Variants in PHF21B observed in about 807,000 individuals in gnomAD.
PHF21B encodes PHD finger protein 21B.
Under a neutral mutation model 62.2 loss-of-function variants are expected in PHF21B, and 22 were observed. That is an observed-to-expected ratio of 0.35 (90% CI 0.25 to 0.51). The LOEUF is 0.51. PHF21B is among the 20% of genes least tolerant of loss of function. The pLI is 0.97. For synonymous variants in PHF21B, 341 were observed against 314.7 expected (o/e 1.08, Z -0.88); for missense variants, 701 against 707.9 (o/e 0.99, Z 0.11).
chr22:44,936,872 T>TTTC (rs1555944873), intron 2 of PHF21B, among the ~76,000 whole-genome samples: 1 of 146,482 alleles, frequency 6.8e-6, no homozygotes, highest in African/African-American at 2.6e-5. Context: ...CTTTCTTTCT[T>TTTC]TTTTTTTTTT....
At chr22:44,995,541 GTCTGGGGCTCAC>G (rs1218818604) in intron 2 of PHF21B, among the ~76,000 whole-genome samples, 1 of 152,180 alleles carries the variant, frequency 6.6e-6, no homozygotes, top group African/African-American at 2.4e-5. Context: ...CCTCCCAGGA[GTCTGGGGCTCAC>G]TCTGGGACCA....
chr22:45,003,363 C>T (rs2073254760), intron 2 of PHF21B: 2 of 152,160 alleles, frequency 1.3e-5, no homozygotes, highest in Non-Finnish European at 2.9e-5. Flanking sequence ...GCCGCAGAGG[C>T]AGAAAAGCAC....
chr22:44,967,982 A>G (rs1436400328), intron 2 of PHF21B, among the ~76,000 whole-genome samples: 1 of 152,130 alleles, frequency 6.6e-6, no homozygotes, highest in African/African-American at 2.4e-5. Flanking sequence ...GGTGTCTGGT[A>G]CCATTTCCAT....
intron 2 of PHF21B, among the ~76,000 whole-genome samples, chr22:45,006,611 A>G (rs1158767472): frequency 6.6e-6 from 1 of 152,216 alleles, no homozygotes; most frequent in African/African-American, 2.4e-5. Context: ...AATAGTTGCT[A>G]CAATACAGAA....
At position 44,896,026 on chromosome 22, in the gene PHF21B, C is replaced by T. The variant is rs752133766; in HGVS notation, c.883+6G>A. The T allele has an allele frequency of 6.2e-7, 1 of 1,614,178 alleles. No individual in the cohort carries two copies. Among genetic ancestry groups the T allele is most frequent in the East Asian group, 2.2e-5 (1 of 44,892 alleles). ...CCAACCTGCTGCTACCTGGATCCTT[C>T]CTTACCTTCCAAATGTTCCGTGGTA... On this transcript the variant is annotated splice_donor_region_variant and intron_variant, in intron 6 of 12. Coordinates refer to ENST00000313237, the MANE Select transcript of PHF21B (RefSeq NM_138415.5).
intron 2 of PHF21B, among the ~76,000 whole-genome samples, chr22:44,945,603 G>C (rs112860296): frequency 6.6e-6 from 1 of 152,094 alleles, no homozygotes; most frequent in Non-Finnish European, 1.5e-5. Context: ...GGGCTGCAGG[G>C]CAATGAGTGC....
chr22:44,929,881 G>A (rs1049928604), intron 2 of PHF21B, among the ~76,000 whole-genome samples: 1 of 152,206 alleles, frequency 6.6e-6, no homozygotes, highest in East Asian at 1.9e-4. Context: ...GGGAGGGGAG[G>A]CGACAGGTCG....
intron 2 of PHF21B, among the ~76,000 whole-genome samples, chr22:45,007,587 A>AGGGT (rs1294709463): frequency 4.7e-5 from 1 of 21,448 alleles, no homozygotes; most frequent in African/African-American, 2.0e-4. Context: ...GGGGCAGCGG[A>AGGGT]GGGAGGGAGG....
At chr22:44,985,382 A>G (rs949981421) in intron 2 of PHF21B, among the ~76,000 whole-genome samples, 2 of 152,208 alleles carry the variant, frequency 1.3e-5, no homozygotes, top group African/African-American at 4.8e-5. Context: ...TGCAAGCTCT[A>G]GCTCATGATA....
At chr22:44,921,472 T>G (rs1433993746) in intron 2 of PHF21B, among the ~76,000 whole-genome samples, 4 of 151,948 alleles carry the variant, frequency 2.6e-5, no homozygotes, top group Non-Finnish European at 5.9e-5. Context: ...GTTCACGCCA[T>G]TCTCCTGCCT....
chr22:44,961,606 C>T (rs1195643376), intron 2 of PHF21B, among the ~76,000 whole-genome samples: 3 of 152,048 alleles, frequency 2.0e-5, no homozygotes, highest in African/African-American at 7.2e-5. Flanking sequence ...TTTGGGAGGC[C>T]TACGTGGGCA....
intron 2 of PHF21B, among the ~76,000 whole-genome samples, chr22:44,955,145 A>G (rs552732988): frequency 7.9e-5 from 12 of 152,256 alleles, no homozygotes; most frequent in African/African-American, 2.6e-4. Flanking sequence ...TGTCTCCCAG[A>G]GTCCTGGCCT....
chr22:44,951,374 C>T (rs531582657), intron 2 of PHF21B, among the ~76,000 whole-genome samples: 8 of 152,262 alleles, frequency 5.3e-5, no homozygotes, highest in Admixed American at 2.0e-4. Context: ...AGGCGGAACT[C>T]GGGGTAATGC....
intron 2 of PHF21B, among the ~76,000 whole-genome samples, chr22:45,007,896 C>T (rs2073354610): frequency 6.6e-6 from 1 of 150,868 alleles, no homozygotes. Context: ...TTTTCCTCCC[C>T]GGAGGGGGCC....
At chr22:44,980,790 G>A (rs2072827208) in intron 2 of PHF21B, among the ~76,000 whole-genome samples, 1 of 152,154 alleles carries the variant, frequency 6.6e-6, no homozygotes, top group Non-Finnish European at 1.5e-5. Context: ...GCCCGCCCCA[G>A]GAAGCCGAGC....
intron 2 of PHF21B, among the ~76,000 whole-genome samples, chr22:44,962,934 G>A (rs1481000468): frequency 1.3e-5 from 2 of 152,196 alleles, no homozygotes; most frequent in Non-Finnish European, 2.9e-5. Flanking sequence ...CAAGCACCAT[G>A]ATGATAAAAC....
chr22:44,981,774 C>A (rs930112187), intron 2 of PHF21B, among the ~76,000 whole-genome samples: 1 of 152,190 alleles, frequency 6.6e-6, no homozygotes. Flanking sequence ...TACAGCGGCA[C>A]GCAGGTGTTC....
chr22:44,895,550 C>A (rs1191084478), intron 6 of PHF21B, among the ~76,000 whole-genome samples: 1 of 152,204 alleles, frequency 6.6e-6, no homozygotes, highest in Non-Finnish European at 1.5e-5. Context: ...CTGCTTCCAA[C>A]AATCCCCAGA....
At chr22:44,900,174 C>T (rs1189213587) in intron 5 of PHF21B, among the ~76,000 whole-genome samples, 1 of 152,158 alleles carries the variant, frequency 6.6e-6, no homozygotes, top group Non-Finnish European at 1.5e-5. Context: ...AAACTCTATT[C>T]TGACATCCTC....
Sources: allele counts gnomAD v4.1 joint callset (sites outside exome capture counted in the v4.1 genomes callset), GRCh38; gene constraint gnomAD v4.1.1; transcripts MANE v1.5; gene names NCBI Gene and HGNC (gene_info 2026-07-23, HGNC 2026-07-21).